Variants in ALK observed in about 807,000 individuals in gnomAD.
ALK encodes ALK receptor tyrosine kinase, also known as ALK tyrosine kinase receptor.
ALK carries 74 observed loss-of-function variants against 163.1 expected under a neutral mutation model. The ratio of observed to expected loss-of-function variants is 0.45; its 90% CI spans 0.38 to 0.55. The LOEUF is 0.55. ALK is among the 20% of genes least tolerant of loss of function. The pLI is 0.00. For missense variants in ALK, 2,063 were observed against 2,105.3 expected (o/e 0.98, Z 0.39); for synonymous variants, 960 against 843.2 (o/e 1.14, Z -2.40).
intron 3 of ALK, among the ~76,000 whole-genome samples, chr2:29,597,228 C>A (rs1675241040): frequency 6.6e-6 from 1 of 152,116 alleles, no homozygotes; most frequent in Non-Finnish European, 1.5e-5. Context: ...AAATCCAATC[C>A]CCTGACGGGC....
rs1437368746 is a variant in ALK, at chr2:29,826,850, GT to G, written c.667+93142del. 3.3e-5 allele frequency among the ~76,000 whole-genome samples: 5 copies of G among 152,300 alleles called. No individual in the cohort carries two copies. The East Asian group carries it at 9.6e-4, about 29-fold the overall frequency. On this transcript the variant is annotated intron_variant, in intron 1 of 28. Transcript: ENST00000389048. ...CAAAAATTGGAGGGGCACTCAAAAT[GT>G]TTTTACCCAAGCTCATGGCTGTAAT...
intron 3 of ALK, among the ~76,000 whole-genome samples, chr2:29,595,445 C>G (rs1186603788): frequency 2.6e-5 from 4 of 151,934 alleles, no homozygotes; most frequent in Non-Finnish European, 5.9e-5. Context: ...CTCAGCCTCC[C>G]GAGTAACTGG....
chr2:29,623,481 A>ATAGCTAACACATATATAG (rs6146697), intron 3 of ALK, among the ~76,000 whole-genome samples: 19 of 151,548 alleles, frequency 1.3e-4, no homozygotes, highest in Non-Finnish European at 1.5e-5. Flanking sequence ...AAATAAAATG[A>ATAGCTAACACATATATAG]TAGCTCACTT....
rs140961239 is a variant in ALK at position 29,492,543 on chromosome 2, C to T, written c.1154+39372G>A. Among the ~76,000 whole-genome samples, 174 of 152,266 alleles carry T rather than the reference C, an allele frequency of 1.1e-3. 2 individuals are homozygous for T. The East Asian group carries it at 0.032, about 28-fold the overall frequency. On this transcript the variant is annotated intron_variant, in intron 4 of 28. Transcript: ENST00000389048. ...GGACCCTATTCAGTGCTGGATATGT[C>T]CAGGGCCTAGCTGTTTCTGCACACG...
chr2:29,704,782 T>C (rs1196106682), intron 2 of ALK, among the ~76,000 whole-genome samples: 1 of 152,022 alleles, frequency 6.6e-6, no homozygotes, highest in Non-Finnish European at 1.5e-5. Flanking sequence ...GGGGAAAGCA[T>C]GGGGCCAGAA....
Position 29,232,062 on chromosome 2 carries a change from G to A in ALK, c.2632+242C>T, listed in dbSNP as rs967748422. On this transcript the variant is annotated intron_variant, in intron 15 of 28. Transcript: ENST00000389048. The stretch of plus-strand genomic sequence containing the variant: ...AGGGAGGGCCAGCTGGCTGATTGAC[G>A]GCTGCTCCCTGCCTCACTTTCTCAG... Among the ~76,000 whole-genome samples the A allele has an allele frequency of 2.0e-4, 27 of 137,794 alleles. 1 individual carries two copies. The highest frequency in any genetic ancestry group is 8.0e-3 in the Middle Eastern group (2 of 250). The allele number at this position is 137,794 out of a possible 152,430, so 90.4% of individuals were successfully genotyped here. A position where few individuals can be genotyped will look rare whatever the true frequency, so the allele number is the denominator to read the frequency against.
chr2:29,495,784 T>C (rs1159644916), intron 4 of ALK, among the ~76,000 whole-genome samples: 1 of 152,242 alleles, frequency 6.6e-6, no homozygotes, highest in East Asian at 1.9e-4. Flanking sequence ...TTTTCTGTTT[T>C]CTTGTGTTTC....
chr2:29,283,095 A>G (rs1363606616), intron 9 of ALK, among the ~76,000 whole-genome samples: 1 of 152,226 alleles, frequency 6.6e-6, no homozygotes, highest in African/African-American at 2.4e-5. Context: ...CTCGACCTAC[A>G]GTCAAATGCC....
intron 2 of ALK, among the ~76,000 whole-genome samples, chr2:29,699,625 A>G (rs1455001209): frequency 6.6e-6 from 1 of 152,210 alleles, no homozygotes; most frequent in Non-Finnish European, 1.5e-5. Context: ...TAGGGGACAG[A>G]TCTATATTTT....
At chr2:29,579,627 A>C (rs1048591663) in intron 3 of ALK, among the ~76,000 whole-genome samples, 4 of 152,162 alleles carry the variant, frequency 2.6e-5, no homozygotes, top group Admixed American at 2.6e-4. Context: ...CTAACTCATC[A>C]TATATGAGCC....
chr2:29,571,274 T>A (rs946347677), intron 3 of ALK, among the ~76,000 whole-genome samples: 7 of 152,136 alleles, frequency 4.6e-5, no homozygotes, highest in African/African-American at 1.7e-4. Context: ...ACTAGTGATG[T>A]GGTTTGGTTC....
intron 12 of ALK, among the ~76,000 whole-genome samples, chr2:29,247,096 T>A (rs1664696847): frequency 6.6e-6 from 1 of 152,128 alleles, no homozygotes; most frequent in Non-Finnish European, 1.5e-5. Flanking sequence ...ATTCACAAGC[T>A]CAGCTGAGTG....
At position 29,211,344 on chromosome 2, in the gene ALK, T is replaced by C. The variant is rs17007687; in HGVS notation, c.3744-1466A>G. On this transcript the variant is annotated intron_variant, in intron 24 of 28. Transcript: ENST00000389048. Reference sequence around the variant, plus strand: ...TAGCCGTTAATTCTCAAGAGAAATATAGCAAAGTAGACCAGGAACAATATT... The same window carrying C: ...TAGCCGTTAATTCTCAAGAGAAATACAGCAAAGTAGACCAGGAACAATATT... Among the ~76,000 whole-genome samples the C allele has an allele frequency of 7.9e-3, 806 of 101,838 alleles. 13 individuals are homozygous for C. Among genetic ancestry groups the C allele is most frequent in the African/African-American group, 0.026 (780 of 29,670 alleles). 66.8% of individuals were successfully genotyped at this position (101,838 alleles called of 152,430 possible). A position where few individuals can be genotyped will look rare whatever the true frequency, so the allele number is the denominator to read the frequency against.
intron 4 of ALK, among the ~76,000 whole-genome samples, chr2:29,470,982 C>T (rs1349606209): frequency 2.0e-5 from 3 of 152,016 alleles, no homozygotes; most frequent in Non-Finnish European, 2.9e-5. Context: ...TCAGGAGTGG[C>T]AAGCATACTA....
chr2:29,222,592 G>A lies in ALK; in HGVS notation c.3375C>T (p.Gly1125=), dbSNP rs3795850. The part of the protein sequence containing the change: ...NITLIRGLGH[G]AFGEVYEGQV... Reference sequence around the variant, plus strand: ...GGCCTTCATACACCTCCCCAAAGGCGCCATGGCCCAGACCCCTGTGCAAAG... The same window carrying A: ...GGCCTTCATACACCTCCCCAAAGGCACCATGGCCCAGACCCCTGTGCAAAG... Residue 1125 remains glycine (G), a synonymous_variant, in exon 21 of 29, where the codon GGC becomes GGT. Coordinates refer to ENST00000389048, the MANE Select transcript of ALK (RefSeq NM_004304.5). 4.3e-6 allele frequency: 7 copies of A among 1,613,348 alleles called. No individual in the cohort carries two copies. The highest frequency in any genetic ancestry group is 5.1e-6 in the Non-Finnish European group (6 of 1,179,850).
intron 3 of ALK, among the ~76,000 whole-genome samples, chr2:29,638,028 G>A (rs975035169): frequency 6.6e-6 from 1 of 151,712 alleles, no homozygotes; most frequent in Non-Finnish European, 1.5e-5. Context: ...CAGAGCTCTA[G>A]TGTTCAGATC....
intron 1 of ALK, among the ~76,000 whole-genome samples, chr2:29,906,702 C>A (rs1466612349): frequency 6.6e-6 from 1 of 152,128 alleles, no homozygotes; most frequent in East Asian, 1.9e-4. Flanking sequence ...GCATCAGTTT[C>A]TTTATTTGCA....
intron 4 of ALK, among the ~76,000 whole-genome samples, chr2:29,414,166 A>G (rs1669807668): frequency 6.6e-6 from 1 of 152,226 alleles, no homozygotes; most frequent in African/African-American, 2.4e-5. Flanking sequence ...GTCTTATGGG[A>G]CAATGGTTGA....
chr2:29,856,448 G>A (rs1432625407), intron 1 of ALK, among the ~76,000 whole-genome samples: 6 of 152,172 alleles, frequency 3.9e-5, no homozygotes, highest in Middle Eastern at 6.3e-3. Context: ...TTACAAACAC[G>A]ACCTCAGTCA....
Sources: allele counts gnomAD v4.1 joint callset (sites outside exome capture counted in the v4.1 genomes callset), GRCh38; gene constraint gnomAD v4.1.1; transcripts MANE v1.5; gene names NCBI Gene and HGNC (gene_info 2026-07-23, HGNC 2026-07-21).